ZNF536: variants seen among roughly 807,000 people sequenced by gnomAD.
The protein encoded by ZNF536 is zinc finger protein 536.
In ZNF536, 13 loss-of-function variants were observed where a neutral mutation model predicts 84.5. The ratio of observed to expected loss-of-function variants is 0.15; its 90% CI spans 0.10 to 0.24. ZNF536 has a LOEUF of 0.24. ZNF536 is among the 10% of genes least tolerant of loss of function. ZNF536 has a pLI of 1.00. For synonymous variants in ZNF536, 811 were observed against 742.5 expected (o/e 1.09, Z -1.50); for missense variants, 1,536 against 1,747.5 (o/e 0.88, Z 2.16).
chr19:30,617,597 A>G (rs1428913409), intron 1 of ZNF536, among the ~76,000 whole-genome samples: 1 of 151,430 alleles, frequency 6.6e-6, no homozygotes, highest in African/African-American at 2.4e-5. Context: ...TGATCTGCCC[A>G]CTGTGGCCTC....
intron 1 of ZNF536, among the ~76,000 whole-genome samples, chr19:30,275,174 G>A (rs183216283): frequency 6.6e-6 from 1 of 152,144 alleles, no homozygotes; most frequent in African/African-American, 2.4e-5. Context: ...CATGGCCTCT[G>A]GGGGAGCTGG....
intron 1 of ZNF536, among the ~76,000 whole-genome samples, chr19:30,688,105 A>T (rs927349150): frequency 2.6e-5 from 4 of 151,442 alleles, no homozygotes; most frequent in African/African-American, 9.7e-5. Flanking sequence ...GAAAACACGG[A>T]GATTAGAGAT....
At chr19:30,252,372 C>T (rs1795215845) in intron 1 of ZNF536, among the ~76,000 whole-genome samples, 1 of 152,192 alleles carries the variant, frequency 6.6e-6, no homozygotes, top group African/African-American at 2.4e-5. Flanking sequence ...CTGGGGACCG[C>T]ACTCCTAGTC....
chr19:30,578,097 C>G (rs1267972428), intron 1 of ZNF536, among the ~76,000 whole-genome samples: 1 of 152,176 alleles, frequency 6.6e-6, no homozygotes, highest in African/African-American at 2.4e-5. Context: ...TTTTACTTCA[C>G]CCACCCTGTA....
intron 1 of ZNF536, among the ~76,000 whole-genome samples, chr19:30,242,660 A>G (rs1232076992): frequency 6.6e-6 from 1 of 152,166 alleles, no homozygotes; most frequent in African/African-American, 2.4e-5. Context: ...CCAACTCTTC[A>G]TCACAAAGAC....
chr19:30,438,830 C>T (rs2051875298), intron 1 of ZNF536, among the ~76,000 whole-genome samples: 1 of 152,122 alleles, frequency 6.6e-6, no homozygotes, highest in Non-Finnish European at 1.5e-5. Context: ...AGGCACGCAT[C>T]ACCATGCCTG....
At chr19:30,647,425 T>G (rs747743490) in intron 1 of ZNF536, among the ~76,000 whole-genome samples, 12 of 152,202 alleles carry the variant, frequency 7.9e-5, no homozygotes, top group Non-Finnish European at 1.8e-4. Flanking sequence ...GCACAAATTC[T>G]AAGATGGTTC....
intron 1 of ZNF536, among the ~76,000 whole-genome samples, chr19:30,678,189 G>A (rs768531779): frequency 2.6e-5 from 4 of 152,222 alleles, no homozygotes; most frequent in Non-Finnish European, 5.9e-5. Flanking sequence ...GACCGGAGAA[G>A]CCTCCATGGT....
intron 2 of ZNF536, among the ~76,000 whole-genome samples, chr19:30,286,960 C>T (rs1043547231): frequency 7.2e-5 from 11 of 152,118 alleles, no homozygotes; most frequent in African/African-American, 2.7e-4. Context: ...GAGGAAATGG[C>T]TCTGATTTAC....
downstream of ZNF536, among the ~76,000 whole-genome samples, chr19:30,558,837 C>A (rs914114463): frequency 1.3e-5 from 2 of 152,056 alleles, no homozygotes; most frequent in Non-Finnish European, 2.9e-5. Flanking sequence ...TTTTGGGGGA[C>A]TGGGGGTAGG....
intron 1 of ZNF536, among the ~76,000 whole-genome samples, chr19:30,638,200 C>A (rs1044107693): frequency 2.0e-5 from 3 of 152,210 alleles, no homozygotes; most frequent in Non-Finnish European, 4.4e-5. Flanking sequence ...CTTTCTCAAC[C>A]CAGACCTCTG....
intron 2 of ZNF536, among the ~76,000 whole-genome samples, chr19:30,517,513 T>C (rs2044130869): frequency 6.6e-6 from 1 of 152,156 alleles, no homozygotes; most frequent in South Asian, 2.1e-4. Flanking sequence ...ATAACACAGT[T>C]TCTCAGGAGA....
chr19:30,374,494 A>G (rs1025298739), intron 1 of ZNF536, among the ~76,000 whole-genome samples: 1 of 135,240 alleles, frequency 7.4e-6, no homozygotes, highest in Non-Finnish European at 1.7e-5. Flanking sequence ...CCAATTAAAT[A>G]TAGTGTTTTT....
chr19:30,658,018 TC>T (rs10607359), intron 1 of ZNF536, among the ~76,000 whole-genome samples: 113,702 of 147,884 alleles, frequency 0.77, 43,888 homozygotes, highest in African/African-American at 0.84. Flanking sequence ...GGCTTTCCAT[TC>T]CCCCCCCCCT....
chr19:30,700,189 C>CTTCTTTCTT (rs2051851706), intron 1 of ZNF536, among the ~76,000 whole-genome samples: 1 of 121,280 alleles, frequency 8.2e-6, no homozygotes, highest in Non-Finnish European at 1.7e-5. Context: ...CTTTTCTTTC[C>CTTCTTTCTT]TTCTTTCTTT....
At chr19:30,705,369 G>A (rs560402842) in intron 1 of ZNF536, among the ~76,000 whole-genome samples, 18 of 151,586 alleles carry the variant, frequency 1.2e-4, no homozygotes, top group Non-Finnish European at 2.4e-4. Flanking sequence ...AGAATAAAAC[G>A]CATTGTAAAT....
chr19:30,282,669 G>A (rs1272650136), intron 1 of ZNF536, among the ~76,000 whole-genome samples: 5 of 152,154 alleles, frequency 3.3e-5, no homozygotes, highest in Non-Finnish European at 7.3e-5. Context: ...TTTCAGAGCC[G>A]GCTGGGTGCT....
intron 2 of ZNF536, among the ~76,000 whole-genome samples, chr19:30,338,682 C>A (rs926403256): frequency 6.6e-6 from 1 of 152,038 alleles, no homozygotes; most frequent in African/African-American, 2.4e-5. Context: ...TGCAGGGGGG[C>A]AATGCTAATA....
At chr19:30,654,528 G>A (rs533115480) in intron 1 of ZNF536, among the ~76,000 whole-genome samples, 22 of 152,252 alleles carry the variant, frequency 1.4e-4, no homozygotes, top group East Asian at 1.9e-4. Context: ...AAGAACTGTG[G>A]AATGCTTGTA....
Sources: gnomAD v4.1 joint callset for allele counts (sites outside exome capture counted in the v4.1 genomes callset) on GRCh38, gnomAD v4.1.1 for gene constraint, MANE v1.5 for transcripts, NCBI Gene and HGNC (gene_info 2026-07-23, HGNC 2026-07-21) for gene names.